The following AKAP19 variants were observed in gnomAD, a reference collection of about 807,000 sequenced individuals.
The protein encoded by AKAP19 is A-kinase anchoring protein 19.
the AKAP19 span, among the ~76,000 whole-genome samples, chr2:190,179,941 A>T: frequency 6.6e-6 from 1 of 152,186 alleles, no homozygotes; most frequent in South Asian, 2.1e-4. This position sits in a 1 kb window ranked among gnomAD's most constrained non-coding sequence, Gnocchi z 6.0. Context: ...GGGCAGATGC[A>T]GGCATCACAT....
chr2:190,036,831 A>G, the AKAP19 span, among the ~76,000 whole-genome samples: 6 of 152,340 alleles, frequency 3.9e-5, no homozygotes, highest in African/African-American at 1.4e-4. Flanking sequence ...AAAACTGCTG[A>G]AATAGCTTCC....
chr2:189,881,692 G>T, the AKAP19 span, among the ~76,000 whole-genome samples: 1 of 152,040 alleles, frequency 6.6e-6, no homozygotes, highest in Non-Finnish European at 1.5e-5. Flanking sequence ...TAGGAAAAAT[G>T]GGGAAAAAGA....
At chr2:190,133,137 C>A in the AKAP19 span, among the ~76,000 whole-genome samples, 3 of 145,626 alleles carry the variant, frequency 2.1e-5, no homozygotes, top group African/African-American at 7.6e-5. Context: ...ACTCGGGATG[C>A]TGAGGCAGGA....
chr2:190,069,659 G>A, the AKAP19 span, among the ~76,000 whole-genome samples: 1 of 152,144 alleles, frequency 6.6e-6, no homozygotes, highest in Non-Finnish European at 1.5e-5. Flanking sequence ...TTGGCTTTCA[G>A]AGAGTCATTC....
the AKAP19 span, among the ~76,000 whole-genome samples, chr2:189,922,577 G>C: frequency 2.0e-5 from 3 of 152,214 alleles, no homozygotes; most frequent in Admixed American, 6.5e-5. Context: ...ACAGTCATTT[G>C]TGGACATACA....
chr2:189,909,418 T>C, the AKAP19 span, among the ~76,000 whole-genome samples: 1 of 152,056 alleles, frequency 6.6e-6, no homozygotes, highest in African/African-American at 2.4e-5. Context: ...GTTTTGTAGA[T>C]GCTTTGTTTC....
chr2:189,983,786 C>T, the AKAP19 span, among the ~76,000 whole-genome samples: 2 of 152,230 alleles, frequency 1.3e-5, no homozygotes, highest in Admixed American at 1.3e-4. Flanking sequence ...GGGAACTGCC[C>T]CGAAAATCAT....
the AKAP19 span, among the ~76,000 whole-genome samples, chr2:190,112,971 A>G: frequency 6.6e-6 from 1 of 151,968 alleles, no homozygotes; most frequent in East Asian, 1.9e-4. Context: ...AGATTTTCTT[A>G]GTTCCATTAG....
the AKAP19 span, among the ~76,000 whole-genome samples, chr2:190,059,598 A>C: frequency 6.6e-6 from 1 of 152,000 alleles, no homozygotes; most frequent in African/African-American, 2.4e-5. Flanking sequence ...CTCTGAATAA[A>C]ACATTTAATT....
chr2:189,890,889 T>G, the AKAP19 span, among the ~76,000 whole-genome samples: 1 of 152,340 alleles, frequency 6.6e-6, no homozygotes, highest in East Asian at 1.9e-4. Context: ...ATCTGTGTCT[T>G]TTAATTGGGG....
chr2:190,155,415 A>G, the AKAP19 span, among the ~76,000 whole-genome samples: 1 of 152,210 alleles, frequency 6.6e-6, no homozygotes, highest in Non-Finnish European at 1.5e-5. Flanking sequence ...AGACAAGAAA[A>G]AGAAAATAGG....
chr2:190,065,102 C>A, the AKAP19 span, among the ~76,000 whole-genome samples: 1 of 152,080 alleles, frequency 6.6e-6, no homozygotes, highest in African/African-American at 2.4e-5. Flanking sequence ...AAACAAATTC[C>A]CTTTTTCCCG....
the AKAP19 span, among the ~76,000 whole-genome samples, chr2:189,975,112 C>T: frequency 8.5e-5 from 13 of 152,184 alleles, no homozygotes; most frequent in Admixed American, 3.9e-4. Flanking sequence ...TTTGCAGTGG[C>T]TGGTACCAGT....
the AKAP19 span, among the ~76,000 whole-genome samples, chr2:190,119,562 A>G: frequency 6.6e-6 from 1 of 152,214 alleles, no homozygotes; most frequent in African/African-American, 2.4e-5. Context: ...GAGAATCGCT[A>G]TGTTGGGTGG....
At chr2:189,942,086 AG>A in the AKAP19 span, among the ~76,000 whole-genome samples, 1 of 152,228 alleles carries the variant, frequency 6.6e-6, no homozygotes, top group South Asian at 2.1e-4. Context: ...AAAATGACAA[AG>A]GGATCTGATA....
the AKAP19 span, among the ~76,000 whole-genome samples, chr2:189,938,246 G>T: frequency 6.6e-6 from 1 of 151,116 alleles, no homozygotes; most frequent in South Asian, 2.1e-4. Flanking sequence ...TGAGGCAGGA[G>T]AATAGCTTGA....
the AKAP19 span, among the ~76,000 whole-genome samples, chr2:190,122,654 C>A: frequency 6.6e-6 from 1 of 152,148 alleles, no homozygotes; most frequent in Non-Finnish European, 1.5e-5. Context: ...TAGTGCTTGG[C>A]TTTTTACTGT....
the AKAP19 span, among the ~76,000 whole-genome samples, chr2:190,118,722 A>T: frequency 6.6e-6 from 1 of 152,222 alleles, no homozygotes; most frequent in Admixed American, 6.5e-5. Flanking sequence ...TTATCTCAAA[A>T]TAATCAGAGC....
At chr2:190,099,694 C>T in the AKAP19 span, among the ~76,000 whole-genome samples, 3 of 152,082 alleles carry the variant, frequency 2.0e-5, no homozygotes, top group Non-Finnish European at 2.9e-5. Flanking sequence ...TTGTGAAGCA[C>T]GATAAAGTGA....
Sources: allele counts gnomAD v4.1 joint callset (sites outside exome capture counted in the v4.1 genomes callset), GRCh38; gene constraint gnomAD v4.1.1; non-coding constraint Gnocchi (gnomAD v3.1); transcripts MANE v1.5; gene names NCBI Gene and HGNC (gene_info 2026-07-23, HGNC 2026-07-21).